The following HRH1 variants were observed in gnomAD, a reference collection of about 807,000 sequenced individuals.
HRH1 encodes histamine receptor H1.
Under a neutral mutation model 10.3 loss-of-function variants are expected in HRH1, and 6 were observed. That is an observed-to-expected ratio of 0.58 (90% CI 0.32 to 1.15). HRH1 has a LOEUF of 1.15. Ranked by LOEUF, HRH1 falls within the 50% of genes most tolerant of loss-of-function variation. The pLI is 0.05. For missense variants in HRH1, 514 were observed against 615.3 expected (o/e 0.84, Z 1.74); for synonymous variants, 242 against 236.7 (o/e 1.02, Z -0.21).
At chr3:11,213,155 A>C (rs1938382479) in intron 1 of HRH1, among the ~76,000 whole-genome samples, 1 of 152,134 alleles carries the variant, frequency 6.6e-6, no homozygotes, top group Non-Finnish European at 1.5e-5. Context: ...TTTCTTTAGG[A>C]TATGTTTCTT....
At chr3:11,190,680 A>G (rs922098321) in intron 1 of HRH1, among the ~76,000 whole-genome samples, 1 of 152,140 alleles carries the variant, frequency 6.6e-6, no homozygotes, top group African/African-American at 2.4e-5. Flanking sequence ...GGCGTGAGCC[A>G]GCGCAACCGG....
At chr3:11,227,093 C>T (rs565228731) in intron 1 of HRH1, among the ~76,000 whole-genome samples, 1 of 152,124 alleles carries the variant, frequency 6.6e-6, no homozygotes, top group South Asian at 2.1e-4. Flanking sequence ...AGCAGAAAGA[C>T]CAGTTAGGAA....
chr3:11,225,675 ATTAT>A (rs1182722071), intron 1 of HRH1, among the ~76,000 whole-genome samples: 2 of 152,224 alleles, frequency 1.3e-5, no homozygotes, highest in Non-Finnish European at 2.9e-5. Flanking sequence ...ACCTAGCTTT[ATTAT>A]TTATTTATTT....
At chr3:11,225,498 A>G (rs559651885) in intron 1 of HRH1, among the ~76,000 whole-genome samples, 5 of 152,260 alleles carry the variant, frequency 3.3e-5, no homozygotes, top group African/African-American at 1.2e-4. Context: ...GAGACAGGTG[A>G]ATGCCTCTTT....
chr3:11,149,713 C>T (rs141790230), upstream of HRH1, among the ~76,000 whole-genome samples: 173 of 152,310 alleles, frequency 1.1e-3, no homozygotes, highest in Admixed American at 3.0e-3. Context: ...CTCACAGGAC[C>T]GCAAAGACAA....
intron 1 of HRH1, among the ~76,000 whole-genome samples, chr3:11,184,356 G>T (rs372328733): frequency 6.6e-6 from 1 of 152,042 alleles, no homozygotes; most frequent in Admixed American, 6.6e-5. Context: ...GCCTAAAATC[G>T]CACCACTCAG....
intron 1 of HRH1, among the ~76,000 whole-genome samples, chr3:11,162,304 G>C (rs148227462): frequency 4.6e-5 from 7 of 152,114 alleles, no homozygotes; most frequent in Non-Finnish European, 1.0e-4. Flanking sequence ...TGCTCCCATC[G>C]AGTGGCAGGA....
At chr3:11,168,667 G>A (rs1205994959) in intron 1 of HRH1, among the ~76,000 whole-genome samples, 3 of 152,230 alleles carry the variant, frequency 2.0e-5, no homozygotes, top group African/African-American at 4.8e-5. Flanking sequence ...GAGCATGCAG[G>A]GCCCTAGCAG....
At chr3:11,168,250 G>A (rs1264933946) in intron 1 of HRH1, among the ~76,000 whole-genome samples, 2 of 152,314 alleles carry the variant, frequency 1.3e-5, no homozygotes. Flanking sequence ...GGTGAGTGTA[G>A]GAGATGGAGT....
chr3:11,254,215 T>C (rs75669074), intron 1 of HRH1, among the ~76,000 whole-genome samples: 4,687 of 152,288 alleles, frequency 0.031, 77 homozygotes, highest in Middle Eastern at 0.037. Context: ...TGCACCCTAG[T>C]GAGTCTGTGG....
In HRH1 at chr3:11,193,718, A is replaced by T. The variant is rs916762300; in HGVS notation, c.-36+39164A>T. Reference sequence around the variant, plus strand: ...GCGACAGCAGATTGAGTAAATGGTGACAGTCAACATTTTGGTTCATAGACT... The same window carrying T: ...GCGACAGCAGATTGAGTAAATGGTGTCAGTCAACATTTTGGTTCATAGACT... On this transcript the variant is annotated intron_variant, in intron 1 of 1. Transcript: ENST00000431010. Among the ~76,000 whole-genome samples, 4 of 152,100 alleles carry T rather than the reference A, an allele frequency of 2.6e-5. No individual in the cohort carries two copies. The East Asian group carries it at 5.8e-4, about 22-fold the overall frequency.
At position 11,160,630 on chromosome 3, in the gene HRH1, C is replaced by T. The variant is rs570133364; in HGVS notation, c.-36+6076C>T. ...TCCCCACCTTTCTTTCCTACGTCAC[C>T]TGCAGCAGCACTAAATTACAATATA... On this transcript the variant is annotated intron_variant, in intron 1 of 1. Coordinates refer to ENST00000431010, the MANE Select transcript of HRH1 (RefSeq NM_001098212.2). 1.3e-5 allele frequency among the ~76,000 whole-genome samples: 2 copies of T among 152,240 alleles called. 1 individual carries two copies. The highest frequency in any genetic ancestry group is 4.8e-5 in the African/African-American group (2 of 41,536).
At chr3:11,163,055 G>C (rs550705014) in intron 1 of HRH1, among the ~76,000 whole-genome samples, 2 of 152,236 alleles carry the variant, frequency 1.3e-5, no homozygotes, top group South Asian at 4.1e-4. Flanking sequence ...AAGAGGTCTA[G>C]TTGGGAAGGA....
Position 11,260,537 on chromosome 3 carries a change from A to G in HRH1, c.*36A>G. On this transcript the variant is annotated 3_prime_UTR_variant, in exon 2 of 2. Coordinates refer to ENST00000431010, the MANE Select transcript of HRH1 (RefSeq NM_001098212.2). ...GAGGGGATGCAACAAAATGATCCTT[A>G]TGATGTCCAACAAGGAAATAGAGGA... The G allele has an allele frequency of 6.5e-7, 1 of 1,528,750 alleles. No homozygotes were observed. Among genetic ancestry groups the G allele is most frequent in the South Asian group, 1.3e-5 (1 of 77,070 alleles). 94.7% of individuals were successfully genotyped at this position (1,528,750 alleles called of 1,614,324 possible).
At chr3:11,234,339 C>T (rs1939117545) in intron 1 of HRH1, 1 of 1,591,110 alleles carries the variant, frequency 6.3e-7, no homozygotes, top group South Asian at 1.1e-5. Flanking sequence ...TTCTCTCTTT[C>T]CTCTTCCTCA....
intron 1 of HRH1, among the ~76,000 whole-genome samples, chr3:11,162,318 A>G (rs1290008303): frequency 2.0e-5 from 3 of 152,040 alleles, no homozygotes; most frequent in Admixed American, 6.5e-5. Flanking sequence ...GGCAGGATAT[A>G]TGATGAATGG....
intron 1 of HRH1, among the ~76,000 whole-genome samples, chr3:11,144,475 A>ATATAGACATACGTCTATAGG (rs1559249815): frequency 6.2e-3 from 367 of 59,172 alleles, no homozygotes; most frequent in East Asian, 0.037. Context: ...ACATATAGAC[A>ATATAGACATACGTCTATAGG]TATATATACA....
At position 11,263,318 on chromosome 3, in the gene HRH1, G is replaced by T. The variant is rs1252650805; in HGVS notation, c.*2817G>T. 6.0e-6 allele frequency: 1 copy of T among 167,102 alleles called. No individual in the cohort carries two copies. Among genetic ancestry groups the T allele is most frequent in the Non-Finnish European group, 1.5e-5 (1 of 68,128 alleles). 10.4% of individuals were successfully genotyped at this position (167,102 alleles called of 1,614,324 possible). The stretch of plus-strand genomic sequence containing the variant: ...GCACTGCATGGACTTCCAGGAGGTG[G>T]ATTTAATAGTCTTAACTCAGCATGA... On this transcript the variant is annotated 3_prime_UTR_variant, in exon 2 of 2. Coordinates refer to ENST00000431010, the MANE Select transcript of HRH1 (RefSeq NM_001098212.2).
At chr3:11,195,810 C>T (rs1937630236) in intron 1 of HRH1, among the ~76,000 whole-genome samples, 1 of 152,222 alleles carries the variant, frequency 6.6e-6, no homozygotes, top group Non-Finnish European at 1.5e-5. Flanking sequence ...CAGACCACCC[C>T]CCATCCCATG....
Sources: allele counts gnomAD v4.1 joint callset (sites outside exome capture counted in the v4.1 genomes callset), GRCh38; gene constraint gnomAD v4.1.1; transcripts MANE v1.5; gene names NCBI Gene and HGNC (gene_info 2026-07-23, HGNC 2026-07-21).